CNTN4: variants seen among roughly 807,000 people sequenced by gnomAD.
CNTN4 encodes contactin 4, also known as contactin-4.
In CNTN4, 77 loss-of-function variants were observed where a neutral mutation model predicts 122.5. That is an observed-to-expected ratio of 0.63 (90% CI 0.52 to 0.76). The LOEUF is 0.76. Among genes scored for constraint, CNTN4 ranks in the 30% least tolerant of loss-of-function variants. The pLI, the probability that CNTN4 is intolerant of heterozygous loss-of-function variation, is 0.00. For synonymous variants in CNTN4, 512 were observed against 447.0 expected (o/e 1.15, Z -1.83); for missense variants, 1,256 against 1,259.1 (o/e 1.00, Z 0.04).
intron 12 of CNTN4, among the ~76,000 whole-genome samples, chr3:2,913,676 C>G (rs1391094008): frequency 1.3e-5 from 2 of 152,098 alleles, no homozygotes; most frequent in African/African-American, 2.4e-5. Flanking sequence ...CAAACATTGA[C>G]AGAACTGAAG....
intron 14 of CNTN4, chr3:3,008,910 T>C (rs1009074344): frequency 1.0e-6 from 1 of 980,544 alleles, no homozygotes; most frequent in Non-Finnish European, 1.2e-6. Context: ...ACCACCAAGA[T>C]CTAATAAGCT....
intron 3 of CNTN4, among the ~76,000 whole-genome samples, chr3:2,565,967 C>T (rs992856179): frequency 6.6e-6 from 1 of 152,192 alleles, no homozygotes. Context: ...GTTGTTCTTA[C>T]ACTTAGGAGG....
At chr3:2,620,686 C>T (rs1369977420) in intron 4 of CNTN4, among the ~76,000 whole-genome samples, 2 of 152,068 alleles carry the variant, frequency 1.3e-5, no homozygotes, top group Non-Finnish European at 2.9e-5. Flanking sequence ...AATCTCTTTA[C>T]ACAAGAATGT....
At chr3:2,993,350 T>C (rs976787561) in intron 14 of CNTN4, among the ~76,000 whole-genome samples, 1 of 150,480 alleles carries the variant, frequency 6.6e-6, no homozygotes, top group Non-Finnish European at 1.5e-5. Flanking sequence ...CAGGCTAGAG[T>C]GCAATGGTGA....
chr3:2,125,894 G>GGGGTGT, intron 2 of CNTN4, among the ~76,000 whole-genome samples: 1 of 143,472 alleles, frequency 7.0e-6, no homozygotes, highest in South Asian at 2.3e-4. Flanking sequence ...TTTTATTTCT[G>GGGGTGT]GTGTGTGTGT....
intron 3 of CNTN4, among the ~76,000 whole-genome samples, chr3:2,428,066 T>G (rs1306721918): frequency 2.0e-5 from 3 of 152,190 alleles, no homozygotes; most frequent in African/African-American, 7.2e-5. Context: ...ATTTAGCCCA[T>G]TTACATTTAA....
chr3:2,349,725 C>T (rs909540791), intron 3 of CNTN4, among the ~76,000 whole-genome samples: 4 of 152,142 alleles, frequency 2.6e-5, no homozygotes, highest in Non-Finnish European at 5.9e-5. Flanking sequence ...ATTTTGCAAA[C>T]ACGTGGACTC....
intron 4 of CNTN4, among the ~76,000 whole-genome samples, chr3:2,732,987 T>G (rs951108403): frequency 3.9e-5 from 6 of 152,200 alleles, no homozygotes; most frequent in African/African-American, 1.4e-4. Context: ...TTATTTATAG[T>G]GAATGCAAAG....
intron 2 of CNTN4, among the ~76,000 whole-genome samples, chr3:2,148,934 T>A (rs2035373242): frequency 7.5e-6 from 1 of 133,624 alleles, no homozygotes; most frequent in African/African-American, 2.9e-5. Context: ...ATCCCCTTAC[T>A]ACCGTGACTG....
chr3:2,932,638 A>G (rs1428310218), intron 13 of CNTN4, among the ~76,000 whole-genome samples: 1 of 152,040 alleles, frequency 6.6e-6, no homozygotes, highest in Non-Finnish European at 1.5e-5. Context: ...TTATTTCGCC[A>G]GGGTTGAGGA....
At chr3:2,308,011 C>T (rs750840930) in intron 2 of CNTN4, among the ~76,000 whole-genome samples, 10 of 152,066 alleles carry the variant, frequency 6.6e-5, no homozygotes, top group African/African-American at 1.7e-4. Flanking sequence ...TGGAATGTAC[C>T]GGTGAAGCCT....
intron 2 of CNTN4, among the ~76,000 whole-genome samples, chr3:2,228,721 A>G (rs2039378456): frequency 6.6e-6 from 1 of 152,162 alleles, no homozygotes; most frequent in Admixed American, 6.5e-5. Context: ...ATTTATAGCA[A>G]CTTGTAATAT....
At chr3:2,138,937 A>G (rs1480840639) in intron 2 of CNTN4, among the ~76,000 whole-genome samples, 1 of 152,062 alleles carries the variant, frequency 6.6e-6, no homozygotes, top group Non-Finnish European at 1.5e-5. Context: ...AGCTCTGACT[A>G]ATAGAGTAGC....
At chr3:2,785,143 A>ATG (rs1053154517) in intron 6 of CNTN4, among the ~76,000 whole-genome samples, 1 of 150,896 alleles carries the variant, frequency 6.6e-6, no homozygotes, top group Non-Finnish European at 1.5e-5. Flanking sequence ...ACACACATAT[A>ATG]TATAGAGAGA....
At chr3:2,547,178 G>A (rs964809250) in intron 3 of CNTN4, among the ~76,000 whole-genome samples, 2 of 152,012 alleles carry the variant, frequency 1.3e-5, no homozygotes, top group Non-Finnish European at 2.9e-5. Context: ...CTACTAATAC[G>A]AGTGTCTTTT....
intron 13 of CNTN4, among the ~76,000 whole-genome samples, chr3:2,967,871 C>G (rs1288691109): frequency 7.1e-6 from 1 of 140,422 alleles, no homozygotes; most frequent in Admixed American, 7.2e-5. Flanking sequence ...TTTTTAATGA[C>G]AATGATTTTG....
chr3:2,112,194 ATTCT>A (rs2033015258), intron 2 of CNTN4, among the ~76,000 whole-genome samples: 1 of 152,164 alleles, frequency 6.6e-6, no homozygotes, highest in Non-Finnish European at 1.5e-5. Flanking sequence ...TCTCATCTGT[ATTCT>A]TTCTACTTCA....
At chr3:2,974,355 T>G (rs1462116983) in intron 13 of CNTN4, among the ~76,000 whole-genome samples, 1 of 152,150 alleles carries the variant, frequency 6.6e-6, no homozygotes, top group African/African-American at 2.4e-5. Context: ...ATACTGAAAA[T>G]AATAACAGAA....
At chr3:2,186,928 T>A (rs1345772130) in intron 2 of CNTN4, among the ~76,000 whole-genome samples, 7 of 152,350 alleles carry the variant, frequency 4.6e-5, no homozygotes. Flanking sequence ...CTCTTTAGTT[T>A]AATTAGATCT....
Sources: gnomAD v4.1 joint callset for allele counts (sites outside exome capture counted in the v4.1 genomes callset) on GRCh38, gnomAD v4.1.1 for gene constraint, MANE v1.5 for transcripts, NCBI Gene and HGNC (gene_info 2026-07-23, HGNC 2026-07-21) for gene names.